Variants in CPVL observed in about 807,000 individuals in gnomAD.
The protein encoded by CPVL is carboxypeptidase vitellogenic like, also known as probable serine carboxypeptidase CPVL.
In CPVL, 51 loss-of-function variants were observed where a neutral mutation model predicts 63.7. The observed-to-expected ratio is 0.80, with a 90% CI of 0.64 to 1.01. The LOEUF (loss-of-function observed/expected upper bound fraction) is 1.01. CPVL is among the 50% of genes least tolerant of loss of function. CPVL has a pLI of 0.00. For missense variants in CPVL, 530 were observed against 573.1 expected, an observed-to-expected ratio of 0.92 and a Z score of 0.77; for synonymous variants, 195 against 206.0, an observed-to-expected ratio of 0.95 and a Z score of 0.46.
At chr7:29,065,219 T>C (rs890487941) in intron 10 of CPVL, among the ~76,000 whole-genome samples, 2 of 152,220 alleles carry the variant, frequency 1.3e-5, no homozygotes, top group African/African-American at 2.4e-5. Context: ...GTGAATATAT[T>C]GTTGTAAAGA....
chr7:29,183,930 A>T (rs1325889703), intron 4 of CPVL, among the ~76,000 whole-genome samples: 2 of 152,224 alleles, frequency 1.3e-5, no homozygotes, highest in African/African-American at 4.8e-5. Flanking sequence ...ACAATGGGGC[A>T]TAACAACGAG....
At chr7:29,120,505 T>C (rs1789254153) in intron 2 of CPVL, among the ~76,000 whole-genome samples, 1 of 152,080 alleles carries the variant, frequency 6.6e-6, no homozygotes, top group Non-Finnish European at 1.5e-5. Flanking sequence ...AAATATATTT[T>C]GCATCCTATG....
intron 5 of CPVL, among the ~76,000 whole-genome samples, chr7:29,160,369 G>A (rs547515057): frequency 3.3e-5 from 5 of 152,222 alleles, no homozygotes; most frequent in South Asian, 4.2e-4. Flanking sequence ...GGCTGACAAC[G>A]TTACTGGCTT....
intron 2 of CPVL, among the ~76,000 whole-genome samples, chr7:29,116,268 T>C (rs1788770165): frequency 6.6e-6 from 1 of 152,218 alleles, no homozygotes; most frequent in Non-Finnish European, 1.5e-5. Flanking sequence ...AAAAAAAGTT[T>C]TGCCCTGTTT....
chr7:29,093,897 T>C (rs1049759741), intron 5 of CPVL, among the ~76,000 whole-genome samples: 6 of 152,302 alleles, frequency 3.9e-5, no homozygotes, highest in African/African-American at 1.4e-4. Context: ...AAGTTAAAGA[T>C]TTTAGTTAAG....
intron 12 of CPVL, among the ~76,000 whole-genome samples, chr7:29,014,131 G>T (rs1786143711): frequency 6.6e-6 from 1 of 152,146 alleles, no homozygotes; most frequent in Admixed American, 6.5e-5. Flanking sequence ...GGGAGGTGGG[G>T]TGTGGTTTGA....
chr7:29,148,484 C>T (rs536816064), upstream of CPVL: 4 of 152,190 alleles, frequency 2.6e-5, no homozygotes, highest in Non-Finnish European at 5.9e-5. Flanking sequence ...CACGTTTTAA[C>T]TTTAATTTTT....
Position 29,077,192 on chromosome 7 carries a change from A to T in CPVL, c.610-4769T>A, listed in dbSNP as rs2128583916. ...CAGAGGAAAACAAATAGTGTCAGAG[A>T]ATAATATTAAAATGGAAACAATGTC... On this transcript the variant is annotated intron_variant, in intron 7 of 12. Transcript: ENST00000265394. Among the ~76,000 whole-genome samples, 2 of 152,340 alleles carry T rather than the reference A, an allele frequency of 1.3e-5. 1 individual carries two copies. Among genetic ancestry groups the T allele is most frequent in the South Asian group, 4.1e-4 (2 of 4,828 alleles).
At chr7:29,094,871 TGA>T (rs1786237930) in intron 5 of CPVL, among the ~76,000 whole-genome samples, 1 of 150,450 alleles carries the variant, frequency 6.6e-6, no homozygotes, top group African/African-American at 2.4e-5. Context: ...AATGAGGAAA[TGA>T]GAGAAGGCAG....
At position 29,071,910 on chromosome 7, in the gene CPVL, G is replaced by A. The variant is rs1562754002; in HGVS notation, c.733-6C>T. 1 of 1,612,468 alleles carries A rather than the reference G, an allele frequency of 6.2e-7. No individual in the cohort carries two copies. The highest frequency in any genetic ancestry group is 1.7e-5 in the Admixed American group (1 of 59,616). The stretch of plus-strand genomic sequence containing the variant: ...TCTGCATAGCCCCCTATAATCTGAG[G>A]ACAAAAAAGACACACATCAATGTGA... On this transcript the variant is annotated splice_polypyrimidine_tract_variant and splice_region_variant and intron_variant, in intron 8 of 12. Transcript: ENST00000265394.
At chr7:29,174,489 A>G (rs1388913201) in intron 5 of CPVL, among the ~76,000 whole-genome samples, 1 of 152,192 alleles carries the variant, frequency 6.6e-6, no homozygotes, top group East Asian at 1.9e-4. Flanking sequence ...CTGATTAGCC[A>G]TGGGGGCACA....
At chr7:29,042,849 G>A (rs1396095087) in intron 11 of CPVL, among the ~76,000 whole-genome samples, 1 of 152,206 alleles carries the variant, frequency 6.6e-6, no homozygotes, top group Non-Finnish European at 1.5e-5. Flanking sequence ...GAGATGCTCA[G>A]AAGCTCTCAA....
At chr7:29,159,744 C>G (rs1794925307) in intron 5 of CPVL, among the ~76,000 whole-genome samples, 1 of 152,178 alleles carries the variant, frequency 6.6e-6, no homozygotes, top group African/African-American at 2.4e-5. Context: ...TCTGTCCTGT[C>G]TCTTCTTCAA....
intron 12 of CPVL, among the ~76,000 whole-genome samples, chr7:29,025,658 T>G (rs1271648891): frequency 6.6e-6 from 1 of 152,164 alleles, no homozygotes; most frequent in Non-Finnish European, 1.5e-5. Flanking sequence ...AACAATTATA[T>G]TCCATGTAAA....
At chr7:29,109,097 C>T (rs1466541297) in intron 3 of CPVL, among the ~76,000 whole-genome samples, 2 of 152,328 alleles carry the variant, frequency 1.3e-5, no homozygotes, top group Middle Eastern at 3.4e-3. Flanking sequence ...CAGTGCCTAG[C>T]ACATAGTCAG....
chr7:29,072,829 AT>A, intron 7 of CPVL, among the ~76,000 whole-genome samples: 1 of 152,344 alleles, frequency 6.6e-6, no homozygotes, highest in South Asian at 2.1e-4. Flanking sequence ...AATGCTGCAA[AT>A]TTTGAAATCA....
upstream of CPVL, chr7:29,148,746 A>G (rs1454013622): frequency 6.6e-6 from 1 of 152,202 alleles, no homozygotes; most frequent in Non-Finnish European, 1.5e-5. Flanking sequence ...GAAAAAAGAT[A>G]GTCTTCTTTA....
At chr7:29,014,075 T>C (rs1176713218) in intron 12 of CPVL, among the ~76,000 whole-genome samples, 1 of 152,200 alleles carries the variant, frequency 6.6e-6, no homozygotes, top group African/African-American at 2.4e-5. Context: ...CCTCAGTGCC[T>C]GCTTTTGGAG....
intron 4 of CPVL, among the ~76,000 whole-genome samples, chr7:29,182,993 A>G (rs1489758407): frequency 6.6e-6 from 1 of 152,168 alleles, no homozygotes; most frequent in African/African-American, 2.4e-5. Context: ...AAGAAGGGAT[A>G]TATGAAAACA....
Sources: gnomAD v4.1 joint callset for allele counts (sites outside exome capture counted in the v4.1 genomes callset) on GRCh38, gnomAD v4.1.1 for gene constraint, MANE v1.5 for transcripts, NCBI Gene and HGNC (gene_info 2026-07-23, HGNC 2026-07-21) for gene names.